Variants in NBEA observed in about 807,000 individuals in gnomAD.
NBEA encodes the protein lysosomal-trafficking regulator 2.
In NBEA, 44 loss-of-function variants were observed where a neutral mutation model predicts 343.4. That is an observed-to-expected ratio of 0.13 (90% CI 0.10 to 0.16). The LOEUF is 0.16. Among genes scored for constraint, NBEA ranks in the 10% least tolerant of loss-of-function variants. NBEA has a pLI of 1.00. For synonymous variants in NBEA, 1,175 were observed against 1,238.7 expected (o/e 0.95, Z 1.08); for missense variants, 2,555 against 3,631.3 (o/e 0.70, Z 7.62).
intron 31 of NBEA, among the ~76,000 whole-genome samples, chr13:35,206,647 C>G (rs1255459027): frequency 6.6e-6 from 1 of 151,942 alleles, no homozygotes; most frequent in East Asian, 1.9e-4. Flanking sequence ...ATATATTTCA[C>G]TTTAGACAGT....
intron 35 of NBEA, among the ~76,000 whole-genome samples, chr13:35,303,095 C>T (rs2036659878): frequency 1.3e-5 from 2 of 152,072 alleles, no homozygotes. Context: ...ACTTAAATTT[C>T]CTGCAGGGCA....
chr13:35,215,781 G>A (rs2074034537), intron 33 of NBEA, among the ~76,000 whole-genome samples: 1 of 151,498 alleles, frequency 6.6e-6, no homozygotes, highest in Admixed American at 6.6e-5. Context: ...ATCCTAAAAT[G>A]TTTGAGAATT....
chr13:35,263,262 A>G (rs980333242), intron 34 of NBEA, among the ~76,000 whole-genome samples: 1 of 151,250 alleles, frequency 6.6e-6, no homozygotes, highest in African/African-American at 2.4e-5. Flanking sequence ...GGATATCCAC[A>G]TGCAAAAGAA....
At position 35,190,633 on chromosome 13, in the gene NBEA, A is replaced by G. The variant is rs369278856; in HGVS notation, c.4928-5231A>G. ...ACAGAATTAGTTCAGGAAAATGAAT[A>G]AACAGAACAAGAACAAACTGTAGGT... On this transcript the variant is annotated intron_variant, in intron 30 of 58. Coordinates refer to ENST00000379939, the MANE Select transcript of NBEA (RefSeq NM_001385012.1). Among the ~76,000 whole-genome samples, 14 of 152,308 alleles carry G rather than the reference A, an allele frequency of 9.2e-5. 1 individual carries two copies. The South Asian group carries it at 2.9e-3, about 32-fold the overall frequency.
Position 35,159,448 on chromosome 13 carries a change from G to T in NBEA, c.3277G>T (p.Glu1093Ter). 6.2e-7 allele frequency: 1 copy of T among 1,613,366 alleles called. No homozygotes were observed. The highest frequency in any genetic ancestry group is 1.1e-5 in the South Asian group (1 of 91,052). ...AGAGAATGGTGCCCTTGTGGAGGTT[G>T]AATCTCTGTTGGATAATGTATATAG... ...GGENGALVEVESLLDNVYSAA... is the reference protein window; with the variant it reads ...GGENGALVEV The change falls in exon 22 of 59, where the codon GAA becomes TAA. Residue 1093 changes from glutamate to a stop codon, truncating the protein, a stop_gained. Coordinates refer to ENST00000379939, the MANE Select transcript of NBEA (RefSeq NM_001385012.1). LOFTEE classifies it high-confidence loss of function.
At chr13:34,957,768 GA>G (rs2059544098) in intron 1 of NBEA, among the ~76,000 whole-genome samples, 1 of 151,980 alleles carries the variant, frequency 6.6e-6, no homozygotes, top group South Asian at 2.1e-4. Context: ...GTATTTTTAA[GA>G]AACAACATAA....
In NBEA at chr13:35,349,095, T is replaced by A; in HGVS notation, c.5904-13T>A. ...ATTAAGAATAATATTTCTAAAGGTA[T>A]TTTTCTTTTTAGATTACTGTGCCAT... On this transcript the variant is annotated splice_polypyrimidine_tract_variant and intron_variant, in intron 36 of 58. Coordinates refer to ENST00000379939, the MANE Select transcript of NBEA (RefSeq NM_001385012.1). 6.9e-7 allele frequency: 1 copy of A among 1,454,560 alleles called. No individual in the cohort carries two copies. Among genetic ancestry groups the A allele is most frequent in the Middle Eastern group, 1.8e-4 (1 of 5,574 alleles). The allele number at this position is 1,454,560 out of a possible 1,614,324, so 90.1% of individuals were successfully genotyped here.
At chr13:34,997,464 T>C (rs1354571528) in intron 1 of NBEA, among the ~76,000 whole-genome samples, 4 of 152,208 alleles carry the variant, frequency 2.6e-5, no homozygotes, top group Non-Finnish European at 5.9e-5. Context: ...ATTATTTTGC[T>C]TCTAGACCAG....
rs573943437 is a variant in NBEA at position 35,468,029 on chromosome 13, G to A, written c.6449-4371G>A. ...ACATTGAAAGTTGTAAAGAAGCTTA[G>A]CATTACTTGGAAATTTAATAGCCAT... On this transcript the variant is annotated intron_variant, in intron 40 of 58. Transcript: ENST00000379939. 9.2e-5 allele frequency among the ~76,000 whole-genome samples: 14 copies of A among 151,650 alleles called. No individual in the cohort carries two copies. The East Asian group carries it at 2.3e-3, about 25-fold the overall frequency.
intron 34 of NBEA, chr13:35,251,591 C>A: frequency 8.2e-7 from 1 of 1,221,632 alleles, no homozygotes; most frequent in Admixed American, 2.5e-5. Flanking sequence ...GCAGTGGAAG[C>A]CAAACAGGTA....
chr13:35,175,092 T>G (rs1002490438), intron 27 of NBEA, among the ~76,000 whole-genome samples: 1 of 152,056 alleles, frequency 6.6e-6, no homozygotes, highest in Non-Finnish European at 1.5e-5. Flanking sequence ...GCCCGGCCAC[T>G]TCAGAGTATT....
intron 40 of NBEA, among the ~76,000 whole-genome samples, chr13:35,459,789 TTAAAA>T (rs1296445698): frequency 6.6e-5 from 10 of 152,292 alleles, no homozygotes; most frequent in East Asian, 5.8e-4. Context: ...GGAAACATAA[TTAAAA>T]TAAACTACAG....
intron 37 of NBEA, among the ~76,000 whole-genome samples, chr13:35,349,417 C>G (rs1216920411): frequency 6.6e-6 from 1 of 152,100 alleles, no homozygotes; most frequent in Non-Finnish European, 1.5e-5. Context: ...AACATTCCTT[C>G]TGCCCTATAT....
At chr13:35,070,255 A>G in intron 9 of NBEA, 150 bp downstream of exon 9, 1 of 759,472 alleles carries the variant, frequency 1.3e-6, no homozygotes, top group Non-Finnish European at 2.0e-6. Context: ...TTTAAAGAAT[A>G]TCTCTCTTTT....
chr13:35,655,067 A>C (rs1407474544), intron 54 of NBEA, 57 bp downstream of exon 54: 2 of 1,311,558 alleles, frequency 1.5e-6, no homozygotes, highest in East Asian at 5.6e-5. Flanking sequence ...TTAAAACCAA[A>C]GCTGAATATG....
chr13:35,405,907 T>A (rs1206601542), intron 38 of NBEA, among the ~76,000 whole-genome samples: 1 of 152,178 alleles, frequency 6.6e-6, no homozygotes, highest in African/African-American at 2.4e-5. Flanking sequence ...TTAATTAAGA[T>A]TAAAGTAATT....
At chr13:35,154,516 C>G (rs1168593095) in intron 18 of NBEA, among the ~76,000 whole-genome samples, 1 of 152,102 alleles carries the variant, frequency 6.6e-6, no homozygotes, top group African/African-American at 2.4e-5. Flanking sequence ...AACACAAACT[C>G]AAGCCTAAAA....
intron 45 of NBEA, 26 bp from the exon 46 acceptor site, chr13:35,583,872 A>G: frequency 6.3e-7 from 1 of 1,582,310 alleles, no homozygotes; most frequent in Non-Finnish European, 8.6e-7. Context: ...ACTGTATTAA[A>G]CAAAATATTT....
At chr13:35,589,707 T>C (rs986078314) in intron 46 of NBEA, among the ~76,000 whole-genome samples, 2 of 152,112 alleles carry the variant, frequency 1.3e-5, no homozygotes, top group Non-Finnish European at 2.9e-5. Context: ...CACGATGGAA[T>C]TAGTTGATCT....
Sources: allele counts gnomAD v4.1 joint callset (sites outside exome capture counted in the v4.1 genomes callset), GRCh38; gene constraint gnomAD v4.1.1; transcripts MANE v1.5; gene names NCBI Gene and HGNC (gene_info 2026-07-23, HGNC 2026-07-21).